Variants in AFG1L observed in about 807,000 individuals in gnomAD.
AFG1L encodes AFG1 like ATPase.
A neutral mutation model predicts 62.2 loss-of-function variants in AFG1L; 53 were observed. The observed-to-expected ratio is 0.85, with a 90% confidence interval of 0.68 to 1.07. AFG1L has a LOEUF of 1.07. Among genes scored for constraint, AFG1L ranks in the 50% least tolerant of loss-of-function variants. AFG1L has a pLI of 0.00. For synonymous variants in AFG1L, 228 were observed against 210.3 expected (o/e 1.08, Z -0.73); for missense variants, 555 against 590.5 (o/e 0.94, Z 0.62).
Position 108,360,865 on chromosome 6 carries a change from T to C in AFG1L, c.648+4045T>C, listed in dbSNP as rs117532341. On this transcript the variant is annotated intron_variant, in intron 5 of 12. Coordinates refer to ENST00000368977, the MANE Select transcript of AFG1L (RefSeq NM_145315.5). ...GTTGAAATATACTCCAAAATGTTGC[T>C]GCACCAGCACTCTGATCCCCACCAT... is the stretch of plus-strand genomic sequence containing the variant. Among the ~76,000 whole-genome samples the C allele has an allele frequency of 4.4e-4, 67 of 152,352 alleles. 1 individual carries two copies. In the East Asian group the frequency reaches 0.011, roughly 25 times the overall value.
At chr6:108,345,451 C>T (rs1778829206) in intron 2 of AFG1L, among the ~76,000 whole-genome samples, 1 of 151,992 alleles carries the variant, frequency 6.6e-6, no homozygotes, top group Non-Finnish European at 1.5e-5. Context: ...TCTCCACCTC[C>T]CGGGCTCAAG....
chr6:108,410,279 C>T (rs1782038124), intron 7 of AFG1L, among the ~76,000 whole-genome samples: 1 of 151,966 alleles, frequency 6.6e-6, no homozygotes, highest in Non-Finnish European at 1.5e-5. Context: ...TGCACTCCAG[C>T]CTGGGCAAGA....
In AFG1L at chr6:108,401,174, C is replaced by T. The variant is rs1383263249; in HGVS notation, c.749-822C>T. 5.8e-5 allele frequency among the ~76,000 whole-genome samples: 8 copies of T among 138,526 alleles called. No homozygotes were observed. In the South Asian group the frequency reaches 6.7e-4, roughly 12 times the overall value. The allele number at this position is 138,526 out of a possible 152,430, so 90.9% of individuals were successfully genotyped here. ...TTTTTGAGACGGAGTCTCGCTCTGT[C>T]GCCCAGGCCGGACTGCGGACTGCAG... On this transcript the variant is annotated intron_variant, in intron 6 of 12. Transcript: ENST00000368977.
chr6:108,513,099 T>A (rs1364620863), intron 11 of AFG1L, among the ~76,000 whole-genome samples: 6 of 152,212 alleles, frequency 3.9e-5, no homozygotes, highest in Admixed American at 1.3e-4. Flanking sequence ...AATTCAGGAC[T>A]TTTAAAACAT....
At chr6:108,482,313 A>G (rs1422606125) in intron 10 of AFG1L, among the ~76,000 whole-genome samples, 1 of 152,184 alleles carries the variant, frequency 6.6e-6, no homozygotes, top group Non-Finnish European at 1.5e-5. Flanking sequence ...CAGTTTCTAC[A>G]TTGCAACTAA....
intron 1 of AFG1L, among the ~76,000 whole-genome samples, chr6:108,305,653 G>T (rs1777173987): frequency 6.6e-6 from 1 of 151,856 alleles, no homozygotes; most frequent in African/African-American, 2.4e-5. Flanking sequence ...GGCTGGTCTT[G>T]AACTTCTGGG....
intron 6 of AFG1L, among the ~76,000 whole-genome samples, chr6:108,391,510 T>C (rs1319799777): frequency 1.3e-5 from 2 of 152,234 alleles, no homozygotes; most frequent in African/African-American, 2.4e-5. Flanking sequence ...TTTGAGTTCC[T>C]TGTAGATTCT....
intron 5 of AFG1L, among the ~76,000 whole-genome samples, chr6:108,358,188 G>A (rs185525891): frequency 7.9e-5 from 12 of 152,338 alleles, no homozygotes; most frequent in Non-Finnish European, 1.0e-4. Context: ...ACAAAAGTCA[G>A]TGGTGAATCA....
intron 7 of AFG1L, among the ~76,000 whole-genome samples, chr6:108,428,148 A>C (rs971932265): frequency 6.6e-6 from 1 of 152,094 alleles, no homozygotes; most frequent in Non-Finnish European, 1.5e-5. Flanking sequence ...ATCACTGTCT[A>C]TGCTTTGCAT....
chr6:108,340,410 C>T (rs1285822357), intron 2 of AFG1L, among the ~76,000 whole-genome samples: 1 of 145,568 alleles, frequency 6.9e-6, no homozygotes, highest in Admixed American at 7.1e-5. Context: ...GTTGTCCAGG[C>T]TGGAGTGCAG....
At chr6:108,504,650 G>C (rs1437749939) in intron 10 of AFG1L, among the ~76,000 whole-genome samples, 2 of 152,198 alleles carry the variant, frequency 1.3e-5, no homozygotes, top group African/African-American at 4.8e-5. Flanking sequence ...CAACAGACTT[G>C]CTTGATGCAG....
chr6:108,461,303 T>C (rs1329595022), intron 8 of AFG1L, among the ~76,000 whole-genome samples: 1 of 152,240 alleles, frequency 6.6e-6, no homozygotes. Flanking sequence ...CAAAAGTAGA[T>C]GCACGGTAGT....
At chr6:108,395,275 G>A (rs1402535191) in intron 6 of AFG1L, among the ~76,000 whole-genome samples, 3 of 151,390 alleles carry the variant, frequency 2.0e-5, no homozygotes, top group African/African-American at 4.9e-5. Flanking sequence ...CATAGTTATC[G>A]AATTTTCTCT....
At chr6:108,300,695 C>T (rs140428470) in intron 1 of AFG1L, among the ~76,000 whole-genome samples, 82 of 146,746 alleles carry the variant, frequency 5.6e-4, no homozygotes, top group South Asian at 2.6e-3. Context: ...TTTTTTGAGA[C>T]TGAATATCAC....
chr6:108,416,109 A>T (rs1156794655), intron 7 of AFG1L, among the ~76,000 whole-genome samples: 1 of 152,238 alleles, frequency 6.6e-6, no homozygotes, highest in Non-Finnish European at 1.5e-5. Flanking sequence ...AAAGTGGGTG[A>T]AGGATATGAA....
At chr6:108,441,712 A>AAATATAT (rs1401294615) in intron 7 of AFG1L, among the ~76,000 whole-genome samples, 40 of 139,496 alleles carry the variant, frequency 2.9e-4, no homozygotes, top group African/African-American at 1.0e-3. Flanking sequence ...AAAAAAAAAA[A>AAATATAT]ATATATATAT....
chr6:108,369,669 C>T (rs1180409455), intron 6 of AFG1L, among the ~76,000 whole-genome samples: 4 of 151,662 alleles, frequency 2.6e-5, no homozygotes, highest in Admixed American at 2.6e-4. Flanking sequence ...GGGTGCAGTG[C>T]GCGATCTTGG....
intron 2 of AFG1L, among the ~76,000 whole-genome samples, chr6:108,332,269 T>C (rs1418625406): frequency 1.3e-5 from 2 of 152,242 alleles, no homozygotes; most frequent in Admixed American, 1.3e-4. Flanking sequence ...GCTTGAACTT[T>C]ACCTAGTCTA....
chr6:108,365,861 CTT>C (rs1562111186), intron 5 of AFG1L, among the ~76,000 whole-genome samples: 1 of 151,844 alleles, frequency 6.6e-6, no homozygotes. Flanking sequence ...TTTCATCTCT[CTT>C]TTTTGAGGGG....
Sources: gnomAD v4.1 joint callset for allele counts (sites outside exome capture counted in the v4.1 genomes callset) on GRCh38, gnomAD v4.1.1 for gene constraint, MANE v1.5 for transcripts, NCBI Gene and HGNC (gene_info 2026-07-23, HGNC 2026-07-21) for gene names.